STXBP6: variants seen among roughly 807,000 people sequenced by gnomAD.
STXBP6 encodes the protein syntaxin-binding protein 6.
STXBP6 carries 21 observed loss-of-function variants against 26.9 expected under a neutral mutation model. The observed-to-expected ratio is 0.78, with a 90% CI of 0.55 to 1.12. The LOEUF is 1.12. Among genes scored for constraint, STXBP6 ranks in the 50% most tolerant of loss-of-function variants. The pLI, the probability that STXBP6 is intolerant of heterozygous loss-of-function variation, is 0.00. For synonymous variants in STXBP6, 97 were observed against 92.6 expected, an observed-to-expected ratio of 1.05 and a Z score of -0.27; for missense variants, 232 against 257.9, an observed-to-expected ratio of 0.90 and a Z score of 0.69.
chr14:25,033,299 G>A (rs969702512), intron 1 of STXBP6, among the ~76,000 whole-genome samples: 15 of 152,008 alleles, frequency 9.9e-5, no homozygotes, highest in African/African-American at 3.4e-4. Flanking sequence ...CCTCCACCCG[G>A]TTCGCTCCAT....
At position 25,000,204 on chromosome 14, in the gene STXBP6, A is replaced by C. The variant is rs986167514; in HGVS notation, c.-32-25354T>G. On this transcript the variant is annotated intron_variant, in intron 1 of 5. Transcript: ENST00000323944. Reference sequence around the variant, plus strand: ...CAGCCTCAGTAGTAGCTGGGACTACAGGCGCCTGCCACCACGCCTGGCTAA... The same window carrying C: ...CAGCCTCAGTAGTAGCTGGGACTACCGGCGCCTGCCACCACGCCTGGCTAA... 3.3e-5 allele frequency among the ~76,000 whole-genome samples: 5 copies of C among 151,966 alleles called. No homozygotes were observed. In the East Asian group the frequency reaches 9.7e-4, roughly 29 times the overall value.
At chr14:24,902,727 A>G (rs2071256609) in intron 2 of STXBP6, among the ~76,000 whole-genome samples, 1 of 152,216 alleles carries the variant, frequency 6.6e-6, no homozygotes, top group African/African-American at 2.4e-5. Context: ...AGAAAAATGT[A>G]AGAAAGTTAA....
At chr14:25,024,185 T>C (rs1409833473) in intron 1 of STXBP6, among the ~76,000 whole-genome samples, 1 of 152,088 alleles carries the variant, frequency 6.6e-6, no homozygotes, top group Non-Finnish European at 1.5e-5. Context: ...GGCACACGCC[T>C]GTAGTCCCAG....
intron 2 of STXBP6, among the ~76,000 whole-genome samples, chr14:24,972,603 G>T (rs1460351446): frequency 6.6e-6 from 1 of 152,182 alleles, no homozygotes; most frequent in East Asian, 1.9e-4. Context: ...TCCATACTAG[G>T]CCGATGTTCA....
At chr14:24,922,225 C>T (rs1460769658) in intron 2 of STXBP6, among the ~76,000 whole-genome samples, 2 of 151,960 alleles carry the variant, frequency 1.3e-5, no homozygotes, top group Non-Finnish European at 2.9e-5. Flanking sequence ...GAATTTCAGG[C>T]TTAAAGGGGG....
chr14:24,849,946 G>A (rs79070387), intron 4 of STXBP6, among the ~76,000 whole-genome samples: 2,743 of 152,170 alleles, frequency 0.018, 37 homozygotes, highest in Non-Finnish European at 0.029. Flanking sequence ...TGCACCCCTG[G>A]TTGCAGCATG....
chr14:24,889,928 G>T (rs1360885235), intron 2 of STXBP6, among the ~76,000 whole-genome samples: 1 of 152,228 alleles, frequency 6.6e-6, no homozygotes, highest in Admixed American at 6.5e-5. Flanking sequence ...AACTGTACCA[G>T]AGAACTAAGC....
intron 1 of STXBP6, among the ~76,000 whole-genome samples, chr14:24,999,078 C>T (rs2140320144): frequency 6.6e-6 from 1 of 152,220 alleles, no homozygotes; most frequent in African/African-American, 2.4e-5. Flanking sequence ...GTCCAATAAA[C>T]CAACTGTAAG....
At chr14:24,955,785 A>C (rs570337778) in intron 2 of STXBP6, among the ~76,000 whole-genome samples, 141 of 152,318 alleles carry the variant, frequency 9.3e-4, no homozygotes, top group Non-Finnish European at 1.5e-3. Context: ...AGGAGACAAC[A>C]ACCACAGTAA....
intron 4 of STXBP6, among the ~76,000 whole-genome samples, chr14:24,830,859 A>C (rs1220233836): frequency 6.6e-6 from 1 of 152,198 alleles, no homozygotes; most frequent in Non-Finnish European, 1.5e-5. Flanking sequence ...GAACCTGCTA[A>C]GGAAACTGAA....
intron 2 of STXBP6, among the ~76,000 whole-genome samples, chr14:24,953,946 AG>A (rs1306744358): frequency 6.6e-6 from 1 of 152,130 alleles, no homozygotes; most frequent in Admixed American, 6.6e-5. Context: ...GTGACAATAG[AG>A]GGGGTTGGAA....
chr14:24,990,980 AAGG>A (rs1012746234), intron 1 of STXBP6, among the ~76,000 whole-genome samples: 13 of 150,496 alleles, frequency 8.6e-5, no homozygotes, highest in Admixed American at 4.0e-4. Context: ...GAGCATGAGA[AAGG>A]AGGAGAAGAG....
intron 4 of STXBP6, among the ~76,000 whole-genome samples, chr14:24,832,418 A>T (rs2068482333): frequency 6.6e-6 from 1 of 152,180 alleles, no homozygotes; most frequent in Admixed American, 6.5e-5. Flanking sequence ...ATTTGGTGTG[A>T]ATGAGCGGAT....
At chr14:24,847,434 C>T (rs1370147909) in intron 4 of STXBP6, among the ~76,000 whole-genome samples, 1 of 152,100 alleles carries the variant, frequency 6.6e-6, no homozygotes, top group African/African-American at 2.4e-5. Flanking sequence ...TAATGTTAAA[C>T]TTTCTTTTAT....
chr14:25,007,103 T>C (rs2074919135), intron 1 of STXBP6, among the ~76,000 whole-genome samples: 1 of 152,238 alleles, frequency 6.6e-6, no homozygotes, highest in South Asian at 2.1e-4. Context: ...ACCTGCTCTA[T>C]GACTATACTG....
chr14:24,902,118 T>C (rs2071234849), intron 2 of STXBP6, among the ~76,000 whole-genome samples: 1 of 152,142 alleles, frequency 6.6e-6, no homozygotes, highest in African/African-American at 2.4e-5. Context: ...TTTTAAGAAA[T>C]GTAAGAAATT....
At chr14:25,011,504 G>A (rs767892676) in intron 1 of STXBP6, among the ~76,000 whole-genome samples, 11 of 152,176 alleles carry the variant, frequency 7.2e-5, no homozygotes, top group Non-Finnish European at 1.2e-4. Flanking sequence ...TTGTTCATTA[G>A]CCAAGAGAAG....
chr14:24,827,607 TTA>T (rs2068325860), intron 4 of STXBP6, among the ~76,000 whole-genome samples: 1 of 152,208 alleles, frequency 6.6e-6, no homozygotes, highest in Non-Finnish European at 1.5e-5. Context: ...CAAGGTTTCT[TTA>T]CTTAGCCCTC....
chr14:24,850,079 T>C (rs1169854016), intron 4 of STXBP6, among the ~76,000 whole-genome samples: 1 of 152,104 alleles, frequency 6.6e-6, no homozygotes, highest in East Asian at 1.9e-4. Context: ...TATTAATATA[T>C]TGGGATTAAG....
Sources: allele counts gnomAD v4.1 joint callset (sites outside exome capture counted in the v4.1 genomes callset), GRCh38; gene constraint gnomAD v4.1.1; transcripts MANE v1.5; gene names NCBI Gene and HGNC (gene_info 2026-07-23, HGNC 2026-07-21).